KIAA0319: variants seen among roughly 807,000 people sequenced by gnomAD.
KIAA0319 encodes KIAA0319.
In KIAA0319, 83 loss-of-function variants were observed where a neutral mutation model predicts 108.4. The observed-to-expected ratio is 0.77, with a 90% CI of 0.64 to 0.92. The LOEUF (loss-of-function observed/expected upper bound fraction) is 0.92. Ranked by LOEUF, KIAA0319 falls within the 40% of genes least tolerant of loss-of-function variation. The pLI is 0.00. For missense variants in KIAA0319, 1,195 were observed against 1,322.4 expected, an observed-to-expected ratio of 0.90 and a Z score of 1.49; for synonymous variants, 484 against 510.4, an observed-to-expected ratio of 0.95 and a Z score of 0.70.
intron 11 of KIAA0319, 125 bp from the exon 12 acceptor site, chr6:24,570,160 C>A: frequency 1.1e-6 from 1 of 879,782 alleles, no homozygotes; most frequent in East Asian, 2.7e-5. Context: ...ATGCAGCATC[C>A]TTTGGAATCC....
intron 18 of KIAA0319, 57 bp from the exon 19 acceptor site, chr6:24,554,688 TA>T: frequency 1.7e-6 from 2 of 1,209,814 alleles, no homozygotes; most frequent in South Asian, 2.5e-5. Flanking sequence ...AGAACAACTT[TA>T]TTTTGATGAT....
At chr6:24,623,269 A>T (rs1420916956) in intron 1 of KIAA0319, among the ~76,000 whole-genome samples, 2 of 152,128 alleles carry the variant, frequency 1.3e-5, no homozygotes, top group African/African-American at 4.8e-5. Context: ...AGGAAAAGAA[A>T]ATATGGGGCA....
At position 24,616,503 on chromosome 6, in the gene KIAA0319, G is replaced by A. The variant is rs915044895; in HGVS notation, c.-105-15295C>T. Among the ~76,000 whole-genome samples, 19 of 152,166 alleles carry A rather than the reference G, an allele frequency of 1.2e-4. 1 individual carries two copies. Among genetic ancestry groups the A allele is most frequent in the South Asian group, 6.2e-4 (3 of 4,814 alleles). ...CTCCCGAGTGGCTGGGACCATGCAC[G>A]ACACCACACCCAGCTAATTTTTGTA... On this transcript the variant is annotated intron_variant, in intron 1 of 20. Transcript: ENST00000378214.
Position 24,564,244 on chromosome 6 carries a change from C to T in KIAA0319, c.2389G>A (p.Gly797Arg). The T allele has an allele frequency of 6.2e-7, 1 of 1,614,108 alleles. No homozygotes were observed. The highest frequency in any genetic ancestry group is 8.5e-7 in the Non-Finnish European group (1 of 1,179,998). Residue 797 changes from glycine to arginine, a missense_variant, in exon 15 of 21, where the codon GGG (glycine) becomes AGG (arginine). Coordinates refer to ENST00000378214, the MANE Select transcript of KIAA0319 (RefSeq NM_014809.4). Reference protein sequence around the residue: ...TFHLRVTDSQGASDTDTATVE... With the variant: ...TFHLRVTDSQRASDTDTATVE... The stretch of plus-strand genomic sequence containing the variant: ...GTGGCAGTGTCTGTGTCCGAGGCCC[C>T]CTGACTGTCGGTGACTCGCAAGTGG...
At position 24,553,274 on chromosome 6, in the gene KIAA0319, G is replaced by GAT. The variant is rs72393319; in HGVS notation, c.2948+1265_2948+1266dup. 4.5e-3 allele frequency among the ~76,000 whole-genome samples: 461 copies of GAT among 101,998 alleles called. 2 individuals are homozygous for GAT. The highest frequency in any genetic ancestry group is 0.025 in the East Asian group (99 of 3,942). 66.9% of individuals were successfully genotyped at this position (101,998 alleles called of 152,430 possible). On this transcript the variant is annotated intron_variant, in intron 19 of 20. Coordinates refer to ENST00000378214, the MANE Select transcript of KIAA0319 (RefSeq NM_014809.4). ...AGGCCACTTAGGTACTTGTGAGATA[G>GAT]ATATATATATATATATATATACACA...
chr6:24,624,814 T>C (rs1774480132), intron 1 of KIAA0319, among the ~76,000 whole-genome samples: 1 of 152,246 alleles, frequency 6.6e-6, no homozygotes, highest in Admixed American at 6.5e-5. Context: ...ACTCCCATAT[T>C]TCCTTCTACA....
chr6:24,555,372 C>T (rs1256918423), intron 18 of KIAA0319, among the ~76,000 whole-genome samples: 1 of 151,902 alleles, frequency 6.6e-6, no homozygotes, highest in Non-Finnish European at 1.5e-5. Context: ...TGGCACACAC[C>T]TGTAATACCA....
chr6:24,638,026 C>T (rs552616797), intron 1 of KIAA0319, among the ~76,000 whole-genome samples: 1 of 152,276 alleles, frequency 6.6e-6, no homozygotes, highest in East Asian at 1.9e-4. Context: ...AAGCAACTCC[C>T]ACTGAAGACA....
downstream of KIAA0319, among the ~76,000 whole-genome samples, chr6:24,543,158 G>A (rs1481972191): frequency 6.6e-6 from 1 of 152,180 alleles, no homozygotes; most frequent in East Asian, 1.9e-4. Flanking sequence ...CTAATGGAGT[G>A]AGTTAAAACA....
intron 1 of KIAA0319, among the ~76,000 whole-genome samples, chr6:24,637,552 T>C (rs1776361509): frequency 1.3e-5 from 2 of 152,228 alleles, no homozygotes; most frequent in South Asian, 4.1e-4. Flanking sequence ...TCTTTGGGGA[T>C]GGACTAAGTG....
At chr6:24,639,080 C>T (rs1209221240) in intron 1 of KIAA0319, among the ~76,000 whole-genome samples, 7 of 151,928 alleles carry the variant, frequency 4.6e-5, no homozygotes, top group Admixed American at 2.6e-4. Flanking sequence ...ATTATACCTT[C>T]GTAAAGCTAG....
intron 1 of KIAA0319, among the ~76,000 whole-genome samples, chr6:24,640,797 C>T (rs1333515577): frequency 1.3e-5 from 2 of 152,060 alleles, no homozygotes; most frequent in Admixed American, 6.5e-5. Flanking sequence ...GGATGACAGG[C>T]ACATACCACC....
Position 24,554,530 on chromosome 6 carries a change from A to C in KIAA0319, c.2948+11T>G. The C allele has an allele frequency of 6.3e-7, 1 of 1,599,078 alleles. No individual in the cohort carries two copies. Among genetic ancestry groups the C allele is most frequent in the Non-Finnish European group, 8.6e-7 (1 of 1,166,782 alleles). ...GGGTCTCTATTTCCCAGGAATAAGC[A>C]CTCTAGGTACCTTTTGCAGCAGCAG... On this transcript the variant is annotated intron_variant, in intron 19 of 20. Transcript: ENST00000378214.
At chr6:24,577,497 G>A (rs1345820834) in intron 9 of KIAA0319, among the ~76,000 whole-genome samples, 5 of 152,196 alleles carry the variant, frequency 3.3e-5, no homozygotes, top group East Asian at 1.9e-4. Flanking sequence ...GTGGTCCTGA[G>A]GACAGTGAAT....
chr6:24,552,757 C>T lies in KIAA0319; in HGVS notation c.2949-1232G>A, dbSNP rs1581881914. Among the ~76,000 whole-genome samples, 8 of 152,284 alleles carry T rather than the reference C, an allele frequency of 5.3e-5. 2 individuals are homozygous for T. The South Asian group carries it at 1.5e-3, about 28-fold the overall frequency. On this transcript the variant is annotated intron_variant, in intron 19 of 20. Transcript: ENST00000378214. ...AGTAGCTGGGATTACAGGCATGCAC[C>T]ACCACGCCCAGCTAATTTTGTATTT...
chr6:24,584,086 G>C (rs1767064981), intron 4 of KIAA0319, among the ~76,000 whole-genome samples: 1 of 152,090 alleles, frequency 6.6e-6, no homozygotes, highest in Admixed American at 6.6e-5. Flanking sequence ...AAAAGATTGA[G>C]TGTAATCCTA....
chr6:24,564,434 T>C, intron 14 of KIAA0319, 94 bp from the exon 15 acceptor site: 1 of 1,508,410 alleles, frequency 6.6e-7, no homozygotes, highest in Non-Finnish European at 9.1e-7. Flanking sequence ...CCCATCTTTT[T>C]AACACAGGCG....
In KIAA0319 at chr6:24,556,637, G is replaced by A. The variant is rs567670732; in HGVS notation, c.2827C>T (p.Arg943Cys). The A allele has an allele frequency of 1.9e-6, 3 of 1,613,890 alleles. No homozygotes were observed. Among genetic ancestry groups the A allele is most frequent in the Admixed American group, 1.7e-5 (1 of 60,002 alleles). The change falls in exon 18 of 21, where the codon CGT (arginine) becomes TGT (cysteine). Residue 943 changes from arginine (R) to cysteine (C), a missense_variant. Transcript: ENST00000378214. ...TTGCTCTCTCCATCCCAGATATAAC[G>A]CTGTATAAGGTTCTCCATCCATAAG... is the stretch of plus-strand genomic sequence containing the variant. ...SHLWMENLIQ[R>C]YIWDGESNCE...
chr6:24,556,321 C>G lies in KIAA0319; in HGVS notation c.2857+286G>C, dbSNP rs940071331. On this transcript the variant is annotated intron_variant, in intron 18 of 20. Transcript: ENST00000378214. ...TCATCCTCCTGAGTAGCTGGGACTA[C>G]AGGCACACGCAACCACACTCAGTTA... Among the ~76,000 whole-genome samples the G allele has an allele frequency of 7.2e-5, 11 of 152,058 alleles. No homozygotes were observed. In the South Asian group the frequency reaches 8.3e-4, roughly 12 times the overall value.
Sources: gnomAD v4.1 joint callset for allele counts (sites outside exome capture counted in the v4.1 genomes callset) on GRCh38, gnomAD v4.1.1 for gene constraint, MANE v1.5 for transcripts, NCBI Gene and HGNC (gene_info 2026-07-23, HGNC 2026-07-21) for gene names.